DNAJC16: variants seen among roughly 807,000 people sequenced by gnomAD.
The protein encoded by DNAJC16 is DnaJ heat shock protein family (Hsp40) member C16.
Under a neutral mutation model 92.7 loss-of-function variants are expected in DNAJC16, and 76 were observed. The ratio of observed to expected loss-of-function variants is 0.82; its 90% CI spans 0.68 to 0.99. The LOEUF (loss-of-function observed/expected upper bound fraction) is 0.99, where lower values mean the gene tolerates loss of function less well. Ranked by LOEUF, DNAJC16 falls within the 50% of genes least tolerant of loss-of-function variation. The probability of loss-of-function intolerance (pLI) is 0.00; values close to 1 mark genes in which losing one functional copy is unlikely to be tolerated. For synonymous variants in DNAJC16, 328 were observed against 358.7 expected, an observed-to-expected ratio of 0.91 and a Z score of 0.97; for missense variants, 869 against 942.4, an observed-to-expected ratio of 0.92 and a Z score of 1.02.
intron 3 of DNAJC16, among the ~76,000 whole-genome samples, chr1:15,536,073 T>TTTA: frequency 4.6e-5 from 1 of 21,718 alleles, no homozygotes; most frequent in African/African-American, 9.0e-4. Flanking sequence ...TTTTCTTTTC[T>TTTA]TTTTTTTTTT....
intron 2 of DNAJC16, among the ~76,000 whole-genome samples, chr1:15,530,981 C>T (rs970084984): frequency 1.3e-5 from 2 of 152,228 alleles, no homozygotes; most frequent in African/African-American, 4.8e-5. Flanking sequence ...AGCTACCATG[C>T]TCGGCCAGTG....
chr1:15,529,490 C>T (rs909127063), intron 2 of DNAJC16, among the ~76,000 whole-genome samples: 1 of 152,132 alleles, frequency 6.6e-6, no homozygotes, highest in Non-Finnish European at 1.5e-5. Context: ...TTTAGGAATA[C>T]TTTGGCTTAA....
At chr1:15,544,160 A>ACACACACACACACACG (rs1638226359) in intron 4 of DNAJC16, among the ~76,000 whole-genome samples, 1 of 149,194 alleles carries the variant, frequency 6.7e-6, no homozygotes, top group African/African-American at 2.5e-5. Flanking sequence ...ATACACACAC[A>ACACACACACACACACG]CACACACACA....
At position 15,569,986 on chromosome 1, in the gene DNAJC16, AGC is replaced by A. The variant is rs1406910696; in HGVS notation, c.*1810_*1811del. ...TCTTTAATCTTAATGCTTTAAACTA[AGC>A]CACTTGGATCCTGAATAATTTAAAT... On this transcript the variant is annotated 3_prime_UTR_variant, in exon 15 of 15. Coordinates refer to ENST00000375847, the MANE Select transcript of DNAJC16 (RefSeq NM_015291.4). The A allele has an allele frequency of 6.6e-6, 1 of 152,598 alleles. No individual in the cohort carries two copies. The highest frequency in any genetic ancestry group is 1.9e-4 in the East Asian group (1 of 5,198). The allele number at this position is 152,598 out of a possible 1,614,324, so 9.5% of individuals were successfully genotyped here. A position where few individuals can be genotyped will look rare whatever the true frequency, so the allele number is the denominator to read the frequency against.
chr1:15,566,943 G>T, intron 13 of DNAJC16, 156 bp from the exon 14 acceptor site: 1 of 616,834 alleles, frequency 1.6e-6, no homozygotes, highest in Non-Finnish European at 2.7e-6. Flanking sequence ...TACCAAGTCA[G>T]GCCATCCCCA....
At chr1:15,528,616 T>C (rs1710578423) in intron 1 of DNAJC16, among the ~76,000 whole-genome samples, 2 of 152,202 alleles carry the variant, frequency 1.3e-5, no homozygotes, top group Admixed American at 6.5e-5. Flanking sequence ...GCCACAACTA[T>C]CTCATTTTGT....
chr1:15,531,013 G>A (rs1372461787), intron 2 of DNAJC16, among the ~76,000 whole-genome samples: 2 of 152,222 alleles, frequency 1.3e-5, no homozygotes, highest in African/African-American at 4.8e-5. Flanking sequence ...TAGATGAGAA[G>A]ATGGAGGCTT....
At chr1:15,530,973 C>G (rs1710645730) in intron 2 of DNAJC16, among the ~76,000 whole-genome samples, 1 of 152,230 alleles carries the variant, frequency 6.6e-6, no homozygotes, top group African/African-American at 2.4e-5. Context: ...CAGACGTGAG[C>G]TACCATGCTC....
chr1:15,543,344 G>A (rs1710978237), intron 4 of DNAJC16, among the ~76,000 whole-genome samples: 1 of 152,240 alleles, frequency 6.6e-6, no homozygotes, highest in Admixed American at 6.5e-5. Context: ...CTACGCAGAA[G>A]TCACGGAGAT....
intron 4 of DNAJC16, among the ~76,000 whole-genome samples, chr1:15,538,052 C>T (rs1710834826): frequency 6.6e-6 from 1 of 152,152 alleles, no homozygotes; most frequent in African/African-American, 2.4e-5. Context: ...TTTGGATGAT[C>T]AGGCAGTGAT....
chr1:15,553,097 T>A (rs1007820511), intron 7 of DNAJC16, among the ~76,000 whole-genome samples: 10 of 151,914 alleles, frequency 6.6e-5, no homozygotes. Context: ...ACCCATTTTT[T>A]AATTAGATAT....
At position 15,539,176 on chromosome 1, in the gene DNAJC16, A is replaced by G. The variant is rs187836539; in HGVS notation, c.574+2362A>G. Among the ~76,000 whole-genome samples, 3 of 152,354 alleles carry G rather than the reference A, an allele frequency of 2.0e-5. No individual in the cohort carries two copies. In the East Asian group the frequency reaches 5.8e-4, roughly 29 times the overall value. ...ATTCCCGAGGGTGTGCAGATTAGCC[A>G]GAAGCATCAATTTATATAAACATCA... On this transcript the variant is annotated intron_variant, in intron 4 of 14. Transcript: ENST00000375847.
At chr1:15,552,899 C>T (rs1638480299) in intron 7 of DNAJC16, among the ~76,000 whole-genome samples, 1 of 151,130 alleles carries the variant, frequency 6.6e-6, no homozygotes, top group African/African-American at 2.4e-5. Flanking sequence ...TTCGGAGTAG[C>T]TGGGACTACA....
chr1:15,554,210 A>G (rs572772535), intron 7 of DNAJC16, among the ~76,000 whole-genome samples: 1 of 152,116 alleles, frequency 6.6e-6, no homozygotes, highest in Admixed American at 6.5e-5. Flanking sequence ...CTCAAAAAAA[A>G]AAAAGAAAGA....
intron 4 of DNAJC16, among the ~76,000 whole-genome samples, chr1:15,541,098 G>T (rs902044228): frequency 6.6e-6 from 1 of 152,140 alleles, no homozygotes. Context: ...CAGAATGATT[G>T]TGAGTATGAA....
intron 8 of DNAJC16, among the ~76,000 whole-genome samples, chr1:15,561,682 T>G (rs565863803): frequency 6.6e-6 from 1 of 151,634 alleles, no homozygotes; most frequent in African/African-American, 2.4e-5. Context: ...CAAGACTCCA[T>G]CTCAAAAAAT....
chr1:15,558,409 T>C (rs1366094481), intron 7 of DNAJC16, among the ~76,000 whole-genome samples: 3 of 151,854 alleles, frequency 2.0e-5, no homozygotes, highest in Admixed American at 2.0e-4. Flanking sequence ...CTGGTCTCGA[T>C]CTTCTAAGCT....
At chr1:15,535,538 C>G (rs1003098832) in intron 3 of DNAJC16, among the ~76,000 whole-genome samples, 1 of 152,124 alleles carries the variant, frequency 6.6e-6, no homozygotes, top group African/African-American at 2.4e-5. Context: ...ATCGCTTAAG[C>G]TGAGGAATTC....
rs762270761 is a variant in DNAJC16, at chr1:15,562,235, A to G, written c.1248A>G (p.Thr416=). ...TTGCCCTGGCAAACACTCAAGACAC[A>G]GTGAGATTTGTGCATGTCTACAGCA... The part of the protein sequence containing the change: ...LSFALANTQD[T]VRFVHVYSNR... The change falls in exon 9 of 15, where the codon ACA becomes ACG. Residue 416 remains threonine (T), a synonymous_variant. Coordinates refer to ENST00000375847, the MANE Select transcript of DNAJC16 (RefSeq NM_015291.4). 3 of 1,614,166 alleles carry G rather than the reference A, an allele frequency of 1.9e-6. No homozygotes were observed. The highest frequency in any genetic ancestry group is 1.1e-5 in the South Asian group (1 of 91,090).
Sources: allele counts gnomAD v4.1 joint callset (sites outside exome capture counted in the v4.1 genomes callset), GRCh38; gene constraint gnomAD v4.1.1; transcripts MANE v1.5; gene names NCBI Gene and HGNC (gene_info 2026-07-23, HGNC 2026-07-21).